Variants in SBF1 observed in about 807,000 individuals in gnomAD.
The protein encoded by SBF1 is myotubularin-related protein 5.
SBF1 carries 65 observed loss-of-function variants against 215.8 expected under a neutral mutation model. The observed-to-expected ratio is 0.30, with a 90% CI of 0.25 to 0.37. The LOEUF (loss-of-function observed/expected upper bound fraction) is 0.37. Among genes scored for constraint, SBF1 ranks in the 10% least tolerant of loss-of-function variants. The probability of loss-of-function intolerance (pLI) is 1.00; values close to 1 mark genes in which losing one functional copy is unlikely to be tolerated. For missense variants in SBF1, 2,634 were observed against 2,667.8 expected (o/e 0.99, Z 0.28); for synonymous variants, 1,410 against 1,122.8 (o/e 1.26, Z -5.11).
rs754403535 is a variant in SBF1, at chr22:50,464,933, G to A, written c.1333-16C>T. The A allele has an allele frequency of 3.1e-6, 5 of 1,613,816 alleles. No individual in the cohort carries two copies. Among genetic ancestry groups the A allele is most frequent in the Non-Finnish European group, 4.2e-6 (5 of 1,179,976 alleles). On this transcript the variant is annotated splice_polypyrimidine_tract_variant and intron_variant, in intron 12 of 40. Coordinates refer to ENST00000380817, the MANE Select transcript of SBF1 (RefSeq NM_002972.4). ...GGGCCACCAGCTAGCGGGGTAAGCA[G>A]GAGGTTAGGTAAGCCATGGTCAGGC... is the stretch of plus-strand genomic sequence containing the variant.
rs370156163 is a variant in SBF1, at chr22:50,454,341, A to G, written c.5043+171T>C. On this transcript the variant is annotated intron_variant, in intron 36 of 40. Coordinates refer to ENST00000380817, the MANE Select transcript of SBF1 (RefSeq NM_002972.4). ...TGCGGGGCCCTGGGGAGCCACAGCC[A>G]CCCCAGGCCAGTAGGCAGTTCACAT... Among the ~76,000 whole-genome samples the G allele has an allele frequency of 9.5e-4, 145 of 151,956 alleles. 1 individual carries two copies. Among genetic ancestry groups the G allele is most frequent in the African/African-American group, 3.3e-3 (138 of 41,442 alleles).
chr22:50,452,372 T>C (rs971472740), intron 36 of SBF1, among the ~76,000 whole-genome samples: 2 of 152,030 alleles, frequency 1.3e-5, no homozygotes, highest in East Asian at 1.9e-4. Flanking sequence ...ATGGCAAAAA[T>C]AGAAGACTTT....
chr22:50,462,941 G>C lies in SBF1; in HGVS notation c.1900-3C>G. Reference sequence around the variant, plus strand: ...TGCTCGTCCAGAGAAGTGCAGTCCTGCAGGTAGAGCGAGAGACCGTCAGGA... The same window carrying C: ...TGCTCGTCCAGAGAAGTGCAGTCCTCCAGGTAGAGCGAGAGACCGTCAGGA... On this transcript the variant is annotated splice_region_variant and splice_polypyrimidine_tract_variant and intron_variant, in intron 16 of 40. Transcript: ENST00000380817. The C allele has an allele frequency of 6.2e-7, 1 of 1,611,644 alleles. No homozygotes were observed. Among genetic ancestry groups the C allele is most frequent in the East Asian group, 2.2e-5 (1 of 44,798 alleles).
chr22:50,452,064 G>A (rs1371568092), intron 36 of SBF1, among the ~76,000 whole-genome samples: 1 of 151,432 alleles, frequency 6.6e-6, no homozygotes, highest in Non-Finnish European at 1.5e-5. Flanking sequence ...CCAAAGTGCT[G>A]GGATGACAGG....
Position 50,455,384 on chromosome 22 carries a change from G to A in SBF1, c.4394C>T (p.Ser1465Leu), listed in dbSNP as rs1239996451. ...CTCCAGCGTGCGGTAGAAGGGGTCT[G>A]AGAGCAGCTGCACCAAGGATACCAC... ...TQVVSLVQLL[S>L]DPFYRTLEGF... Residue 1465 changes from serine (S) to leucine (L), a missense_variant, in exon 33 of 41, where the codon TCA (serine) becomes TTA (leucine). Transcript: ENST00000380817. 1 of 1,612,744 alleles carries A rather than the reference G, an allele frequency of 6.2e-7. No homozygotes were observed. Among genetic ancestry groups the A allele is most frequent in the Non-Finnish European group, 8.5e-7 (1 of 1,179,586 alleles).
intron 1 of SBF1, among the ~76,000 whole-genome samples, chr22:50,470,978 TG>T (rs2067975573): frequency 6.6e-6 from 1 of 152,098 alleles, no homozygotes; most frequent in Non-Finnish European, 1.5e-5. Flanking sequence ...CAGGGGGATG[TG>T]GGGGGTTTTG....
chr22:50,466,563 C>T (rs1329344247), intron 6 of SBF1, 42 bp downstream of exon 6: 3 of 1,530,510 alleles, frequency 2.0e-6, no homozygotes, highest in Non-Finnish European at 2.6e-6. Context: ...AACTACCAGT[C>T]CCCGAGGGGA....
chr22:50,461,770 C>A, intron 21 of SBF1, 26 bp downstream of exon 21: 6 of 1,611,910 alleles, frequency 3.7e-6, no homozygotes, highest in Non-Finnish European at 5.1e-6. Flanking sequence ...CCTTGGGCCC[C>A]CGCAGCCCCA....
At chr22:50,459,730 A>C in intron 26 of SBF1, 64 bp from the exon 27 acceptor site, 1 of 1,495,318 alleles carries the variant, frequency 6.7e-7, no homozygotes, top group Non-Finnish European at 8.9e-7. Context: ...TCACGCCCCA[A>C]GCAGGGCAAG....
chr22:50,449,531 C>G (rs984238233), intron 36 of SBF1, among the ~76,000 whole-genome samples: 5 of 151,942 alleles, frequency 3.3e-5, no homozygotes, highest in African/African-American at 1.2e-4. Context: ...AGGAGAATCA[C>G]TTAAACTCAG....
rs923709882 is a variant in SBF1 at position 50,462,775 on chromosome 22, G to A, written c.1969-58C>T. On this transcript the variant is annotated intron_variant, in intron 17 of 40. Coordinates refer to ENST00000380817, the MANE Select transcript of SBF1 (RefSeq NM_002972.4). ...GCAGCCAGGAAGGGCGGCTGGGAAG[G>A]AGACCTCGGCCACCAGGAAGGGGGG... The A allele has an allele frequency of 3.7e-6, 6 of 1,608,898 alleles. No homozygotes were observed. The African/African-American group carries it at 6.7e-5, about 18-fold the overall frequency.
rs964383229 is a variant in SBF1 at position 50,450,624 on chromosome 22, CA to C, written c.5044-1975del. ...GTGTGGCAAGACCTTACCGAAGACA[CA>C]AAGACACAAAACTCCAACTGAAGCC... On this transcript the variant is annotated intron_variant, in intron 36 of 40. Transcript: ENST00000380817. Among the ~76,000 whole-genome samples, 18 of 152,246 alleles carry C rather than the reference CA, an allele frequency of 1.2e-4. No homozygotes were observed. In the East Asian group the frequency reaches 1.9e-3, roughly 16 times the overall value.
chr22:50,462,765 G>A lies in SBF1; in HGVS notation c.1969-48C>T, dbSNP rs200878046. On this transcript the variant is annotated intron_variant, in intron 17 of 40. Coordinates refer to ENST00000380817, the MANE Select transcript of SBF1 (RefSeq NM_002972.4). ...TCAGCTGGATGCAGCCAGGAAGGGC[G>A]GCTGGGAAGGAGACCTCGGCCACCA... 361 of 1,609,138 alleles carry A rather than the reference G, an allele frequency of 2.2e-4. No homozygotes were observed. In the African/African-American group the frequency reaches 4.1e-3, roughly 18 times the overall value.
At chr22:50,461,337 G>T (rs776402286) in intron 22 of SBF1, 51 bp from the exon 23 acceptor site, 4 of 1,489,730 alleles carry the variant, frequency 2.7e-6, no homozygotes, top group Non-Finnish European at 9.0e-7. Context: ...GGGGGGGGGG[G>T]TCCCAGAATC....
rs765128214 is a variant in SBF1, at chr22:50,462,478, C to T, written c.2128-5G>A. On this transcript the variant is annotated splice_polypyrimidine_tract_variant and splice_region_variant and intron_variant, in intron 18 of 40. Coordinates refer to ENST00000380817, the MANE Select transcript of SBF1 (RefSeq NM_002972.4). ...GGAAGGTGCCTCCCCAACCTCCTGC[C>T]ACGGCACCACACGCATGAGCCGGGG... The T allele has an allele frequency of 1.2e-6, 2 of 1,613,094 alleles. No individual in the cohort carries two copies. The highest frequency in any genetic ancestry group is 2.2e-5 in the South Asian group (2 of 91,074).
intron 33 of SBF1, 37 bp from the exon 34 acceptor site, chr22:50,455,179 G>A: frequency 1.2e-6 from 2 of 1,613,894 alleles, no homozygotes; most frequent in African/African-American, 1.3e-5. Context: ...GGGCTCAGCG[G>A]TCAGGGTGCA....
chr22:50,453,495 T>C (rs1363521428), intron 36 of SBF1, among the ~76,000 whole-genome samples: 1 of 152,150 alleles, frequency 6.6e-6, no homozygotes, highest in Non-Finnish European at 1.5e-5. Flanking sequence ...TCTAAGATGC[T>C]TAGATAACTA....
At position 50,462,042 on chromosome 22, in the gene SBF1, G is replaced by A. The variant is rs1405143481; in HGVS notation, c.2474C>T (p.Ala825Val). ...AAAGCGGTTGATGAAGCGGACCACA[G>A]CCCCAGCTACGTCGCAGGTCTCTGC... ...EDAETCDVAG[A>V]VVRFINRFVD... Residue 825 changes from alanine to valine, a missense_variant, in exon 20 of 41, where the codon GCT (alanine) becomes GTT (valine). By Grantham distance (64) the Ala-to-Val change is moderately conservative (BLOSUM62 0). Coordinates refer to ENST00000380817, the MANE Select transcript of SBF1 (RefSeq NM_002972.4). 1 of 1,614,082 alleles carries A rather than the reference G, an allele frequency of 6.2e-7. No homozygotes were observed. The highest frequency in any genetic ancestry group is 8.5e-7 in the Non-Finnish European group (1 of 1,180,054).
chr22:50,461,415 C>A, intron 22 of SBF1, 108 bp downstream of exon 22: 3 of 1,491,416 alleles, frequency 2.0e-6, no homozygotes, highest in Non-Finnish European at 8.9e-7. Context: ...CCGTTTCCCA[C>A]GGGCACCCAG....
Sources: allele counts gnomAD v4.1 joint callset (sites outside exome capture counted in the v4.1 genomes callset), GRCh38; gene constraint gnomAD v4.1.1; transcripts MANE v1.5; gene names NCBI Gene and HGNC (gene_info 2026-07-23, HGNC 2026-07-21).